The following ATXN10 variants were observed in gnomAD, a reference collection of about 807,000 sequenced individuals.
ATXN10 encodes ataxin 10.
ATXN10 carries 28 observed loss-of-function variants against 52.9 expected under a neutral mutation model. The ratio of observed to expected loss-of-function variants is 0.53; its 90% CI spans 0.39 to 0.73. The LOEUF is 0.73. ATXN10 is among the 30% of genes least tolerant of loss of function. The pLI is 0.00. For missense variants in ATXN10, 565 were observed against 577.0 expected, an observed-to-expected ratio of 0.98 and a Z score of 0.21; for synonymous variants, 226 against 221.5, an observed-to-expected ratio of 1.02 and a Z score of -0.18.
chr22:45,759,147 G>C lies in ATXN10; in HGVS notation c.1173+18609G>C, dbSNP rs1260723241. ...GCCAAGCATTATGCGAGGTGCTGGA[G>C]AGAAGGAAGGGGAAGAAAAGGTCCT... On this transcript the variant is annotated intron_variant, in intron 9 of 11. Coordinates refer to ENST00000252934, the MANE Select transcript of ATXN10 (RefSeq NM_013236.4). This position sits in a 1 kb window ranked among gnomAD's most constrained non-coding sequence, Gnocchi z 5.4. 6.6e-6 allele frequency among the ~76,000 whole-genome samples: 1 copy of C among 152,176 alleles called. No individual in the cohort carries two copies. Among genetic ancestry groups the C allele is most frequent in the Non-Finnish European group, 1.5e-5 (1 of 68,030 alleles).
chr22:45,747,261 A>G (rs993546549), intron 9 of ATXN10, among the ~76,000 whole-genome samples: 3 of 152,164 alleles, frequency 2.0e-5, no homozygotes, highest in African/African-American at 4.8e-5. Flanking sequence ...CAGCAAGCAC[A>G]TTGGAAGGCT....
intron 5 of ATXN10, among the ~76,000 whole-genome samples, chr22:45,716,111 TA>T (rs1200739079): frequency 6.6e-6 from 1 of 151,658 alleles, no homozygotes; most frequent in South Asian, 2.1e-4. Flanking sequence ...AAAATAAAAA[TA>T]AAAAAAGCTG....
intron 10 of ATXN10, among the ~76,000 whole-genome samples, chr22:45,813,835 T>C (rs1179161405): frequency 6.6e-6 from 1 of 152,196 alleles, no homozygotes; most frequent in Non-Finnish European, 1.5e-5. Flanking sequence ...ATAAGAAAGG[T>C]AAATTTTCGT....
intron 9 of ATXN10, among the ~76,000 whole-genome samples, chr22:45,801,879 T>C (rs1371800081): frequency 6.6e-6 from 1 of 152,228 alleles, no homozygotes; most frequent in East Asian, 1.9e-4. Context: ...CTGGATGCTT[T>C]CCCATACAGT....
rs905187991 is a variant in ATXN10 at position 45,705,535 on chromosome 22, G to A, written c.647+2688G>A. ...TGCAACCTCCGCCTCTTGGGTTCAA[G>A]CAATTCTCTGCCTCAGTCTCCTGAA... On this transcript the variant is annotated intron_variant, in intron 5 of 11. Transcript: ENST00000252934. The surrounding 1 kb of genome is among the most constrained non-coding windows in gnomAD (Gnocchi z 5.2). 6.6e-6 allele frequency among the ~76,000 whole-genome samples: 1 copy of A among 152,048 alleles called. No individual in the cohort carries two copies. Among genetic ancestry groups the A allele is most frequent in the Non-Finnish European group, 1.5e-5 (1 of 68,004 alleles).
intron 9 of ATXN10, among the ~76,000 whole-genome samples, chr22:45,752,691 T>C (rs1476243969): frequency 6.6e-6 from 1 of 152,132 alleles, no homozygotes; most frequent in African/African-American, 2.4e-5. Context: ...AGATTCCTTA[T>C]TGTAGCTCTC....
Position 45,733,756 on chromosome 22 carries a change from TAA to T in ATXN10, c.894+4179_894+4180del, listed in dbSNP as rs80005624. On this transcript the variant is annotated intron_variant, in intron 7 of 11. Transcript: ENST00000252934. This position sits in a 1 kb window ranked among gnomAD's most constrained non-coding sequence, Gnocchi z 4.4. ...GGGCGACAGAGCAAGACTCCCATCT[TAA>T]AAAAAAAAAAAAGTTACAAAGTTTT... is the stretch of plus-strand genomic sequence containing the variant. Among the ~76,000 whole-genome samples, 2 of 141,662 alleles carry T rather than the reference TAA, an allele frequency of 1.4e-5. No homozygotes were observed. Among genetic ancestry groups the T allele is most frequent in the African/African-American group, 2.6e-5 (1 of 38,762 alleles). The allele number at this position is 141,662 out of a possible 152,430, so 92.9% of individuals were successfully genotyped here. A position where few individuals can be genotyped will look rare whatever the true frequency, so the allele number is the denominator to read the frequency against.
rs547122434 is a variant in ATXN10 at position 45,770,541 on chromosome 22, G to T, written c.1173+30003G>T. On this transcript the variant is annotated intron_variant, in intron 9 of 11. Coordinates refer to ENST00000252934, the MANE Select transcript of ATXN10 (RefSeq NM_013236.4). This position sits in a 1 kb window ranked among gnomAD's most constrained non-coding sequence, Gnocchi z 4.5. ...AAGAAAGTTTAACATTGCAGAGGGGGCTCTGAATGAGCTGGATGATAGGCA... is the reference window on the plus strand; with the variant it reads ...AAGAAAGTTTAACATTGCAGAGGGGTCTCTGAATGAGCTGGATGATAGGCA... Among the ~76,000 whole-genome samples the T allele has an allele frequency of 1.2e-4, 18 of 152,298 alleles. No homozygotes were observed. Among genetic ancestry groups the T allele is most frequent in the South Asian group, 1.0e-3 (5 of 4,824 alleles).
Position 45,754,090 on chromosome 22 carries a change from C to T in ATXN10, c.1173+13552C>T, listed in dbSNP as rs758230025. On this transcript the variant is annotated intron_variant, in intron 9 of 11. Coordinates refer to ENST00000252934, the MANE Select transcript of ATXN10 (RefSeq NM_013236.4). This position sits in a 1 kb window ranked among gnomAD's most constrained non-coding sequence, Gnocchi z 5.4. ...ATGCTCACACTGCCCAGTGGCAGGA[C>T]GCAACCTGGGTTCCTGAGCCTTATG... Among the ~76,000 whole-genome samples, 8 of 151,890 alleles carry T rather than the reference C, an allele frequency of 5.3e-5. No homozygotes were observed. Among genetic ancestry groups the T allele is most frequent in the East Asian group, 1.9e-4 (1 of 5,162 alleles).
At chr22:45,806,102 G>C in intron 9 of ATXN10, among the ~76,000 whole-genome samples, 1 of 152,154 alleles carries the variant, frequency 6.6e-6, no homozygotes, top group East Asian at 1.9e-4. Flanking sequence ...TTAGAAATGG[G>C]GTTACTGGGT....
In ATXN10 at chr22:45,841,407, A is replaced by G. The variant is rs998945564; in HGVS notation, c.1238-1584A>G. ...GACCAGCAGGTCATTCACTCAGCAC[A>G]TGTTGGTTGGTCCTTTGCTTTGTGC... is the stretch of plus-strand genomic sequence containing the variant. On this transcript the variant is annotated intron_variant, in intron 10 of 11. Transcript: ENST00000252934. The surrounding 1 kb of genome is among the most constrained non-coding windows in gnomAD (Gnocchi z 5.1). Among the ~76,000 whole-genome samples, 3 of 152,324 alleles carry G rather than the reference A, an allele frequency of 2.0e-5. No homozygotes were observed. The highest frequency in any genetic ancestry group is 2.1e-4 in the South Asian group (1 of 4,826).
intron 8 of ATXN10, among the ~76,000 whole-genome samples, chr22:45,739,924 G>A (rs1219209889): frequency 6.6e-6 from 1 of 152,056 alleles, no homozygotes; most frequent in Non-Finnish European, 1.5e-5. Context: ...TTGGCCAGTT[G>A]GATGAGGGAA....
chr22:45,703,648 TA>T, intron 5 of ATXN10, among the ~76,000 whole-genome samples: 1 of 152,190 alleles, frequency 6.6e-6, no homozygotes, highest in Non-Finnish European at 1.5e-5. Context: ...TTGTTACTTA[TA>T]TAGACAGAGA....
intron 1 of ATXN10, 34 bp downstream of exon 1, chr22:45,672,213 G>T (rs1190568934): frequency 6.7e-7 from 1 of 1,481,654 alleles, no homozygotes; most frequent in South Asian, 1.3e-5. Context: ...GCCCCGGGCA[G>T]GGGAGGGCGG....
chr22:45,814,693 G>A (rs1928398260), intron 10 of ATXN10, among the ~76,000 whole-genome samples: 1 of 152,264 alleles, frequency 6.6e-6, no homozygotes, highest in South Asian at 2.1e-4. Context: ...CCTGGTACTG[G>A]GCAGCACAGC....
intron 5 of ATXN10, among the ~76,000 whole-genome samples, chr22:45,717,193 C>G (rs1924481727): frequency 6.6e-6 from 1 of 152,056 alleles, no homozygotes; most frequent in Admixed American, 6.6e-5. Flanking sequence ...TGCCCCCAGC[C>G]TATTGGTTAG....
intron 1 of ATXN10, chr22:45,672,654 C>A (rs1288924061): frequency 1.3e-5 from 2 of 152,682 alleles, no homozygotes; most frequent in Admixed American, 6.5e-5. Context: ...GCACTCCTTT[C>A]TCCTCGGCGT....
intron 5 of ATXN10, among the ~76,000 whole-genome samples, chr22:45,709,911 T>A (rs1569031548): frequency 1.3e-5 from 2 of 152,212 alleles, no homozygotes; most frequent in African/African-American, 2.4e-5. Flanking sequence ...GTCCTGATTT[T>A]CTTTCACTCT....
chr22:45,703,606 G>GT (rs1923924731), intron 5 of ATXN10, among the ~76,000 whole-genome samples: 1 of 152,152 alleles, frequency 6.6e-6, no homozygotes, highest in Non-Finnish European at 1.5e-5. Flanking sequence ...AATAATACAA[G>GT]TTACAACAAT....
Sources: gnomAD v4.1 joint callset for allele counts (sites outside exome capture counted in the v4.1 genomes callset) on GRCh38, gnomAD v4.1.1 for gene constraint, Gnocchi (gnomAD v3.1) non-coding constraint, MANE v1.5 for transcripts, NCBI Gene and HGNC (gene_info 2026-07-23, HGNC 2026-07-21) for gene names.